Variants in LAMA3 observed in about 807,000 individuals in gnomAD.
LAMA3 encodes laminin subunit alpha 3, also known as laminin subunit alpha-3.
In LAMA3, 281 loss-of-function variants were observed where a neutral mutation model predicts 402.0. The observed-to-expected ratio is 0.70, with a 90% CI of 0.63 to 0.77. The LOEUF (loss-of-function observed/expected upper bound fraction) is 0.77, where lower values mean the gene tolerates loss of function less well. Ranked by LOEUF, LAMA3 falls within the 30% of genes least tolerant of loss-of-function variation. The probability of loss-of-function intolerance (pLI) is 0.00; values close to 1 mark genes in which losing one functional copy is unlikely to be tolerated. For synonymous variants in LAMA3, 1,431 were observed against 1,558.4 expected, an observed-to-expected ratio of 0.92 and a Z score of 1.93; for missense variants, 3,840 against 4,215.5, an observed-to-expected ratio of 0.91 and a Z score of 2.47.
chr18:23,930,590 A>G (rs2082133298), intron 64 of LAMA3, among the ~76,000 whole-genome samples: 3 of 152,126 alleles, frequency 2.0e-5, no homozygotes, highest in Admixed American at 2.0e-4. Context: ...TCTACAAAAA[A>G]TTACAAACTT....
Position 23,943,902 on chromosome 18 carries a change from A to G in LAMA3, c.9141A>G (p.Ala3047=). The change falls in exon 69 of 75, where the codon GCA becomes GCG. Residue 3047 remains alanine (A), a synonymous_variant. Transcript: ENST00000313654. ...TTTCAAAAGGACGTCTGGTCTTTGC[A>G]CTGGGGACAGATGGGAAAAAATTGA... The part of the protein sequence containing the change: ...LYLSKGRLVF[A]LGTDGKKLRI... The G allele has an allele frequency of 6.2e-7, 1 of 1,614,110 alleles. No individual in the cohort carries two copies. The highest frequency in any genetic ancestry group is 1.1e-5 in the South Asian group (1 of 91,088).
In LAMA3 at chr18:23,878,335, C is replaced by T. The variant is rs140372717; in HGVS notation, c.5112+1928C>T. ...TTCTGTCTTCACTTGTCCCTAATGG[C>T]CATGTGGCCGCCAGAGACTCTTCAT... On this transcript the variant is annotated intron_variant, in intron 39 of 74. Coordinates refer to ENST00000313654, the MANE Select transcript of LAMA3 (RefSeq NM_198129.4). 3.9e-5 allele frequency among the ~76,000 whole-genome samples: 6 copies of T among 152,350 alleles called. No individual in the cohort carries two copies. In the East Asian group the frequency reaches 7.7e-4, roughly 20 times the overall value.
At chr18:23,809,273 C>T (rs866798826) in intron 12 of LAMA3, among the ~76,000 whole-genome samples, 1 of 152,132 alleles carries the variant, frequency 6.6e-6, no homozygotes. Flanking sequence ...AGCAACTAGC[C>T]GTGATTGCAG....
chr18:23,915,590 A>G (rs1010003520), intron 59 of LAMA3, among the ~76,000 whole-genome samples, 168 bp downstream of exon 59: 2 of 152,236 alleles, frequency 1.3e-5, no homozygotes, highest in Admixed American at 1.3e-4. Flanking sequence ...GTCCTGCCCT[A>G]AAATCTAATT....
rs753773777 is a variant in LAMA3 at position 23,822,354 on chromosome 18, A to G, written c.2407A>G (p.Ile803Val). The change falls in exon 20 of 75, where the codon ATA (isoleucine) becomes GTA (valine). Residue 803 changes from isoleucine (I) to valine (V), a missense_variant. Physicochemically the swap from Ile to Val is conservative, Grantham distance 29 (BLOSUM62 3). Transcript: ENST00000313654. ...TGGAACTGAAGCAGTATCTGGCCAT[A>G]TAACTATTTATCCATCCTGGGGTAA... ...NPGTEAVSGH[I>V]TIYPSWGAAQ... is the part of the protein sequence containing the mutation. 9 of 1,613,878 alleles carry G rather than the reference A, an allele frequency of 5.6e-6. No homozygotes were observed. The highest frequency in any genetic ancestry group is 3.4e-6 in the Non-Finnish European group (4 of 1,179,852).
chr18:23,941,762 T>C (rs573684294), intron 68 of LAMA3, among the ~76,000 whole-genome samples: 4 of 152,360 alleles, frequency 2.6e-5, no homozygotes, highest in South Asian at 4.1e-4. Flanking sequence ...CTGCCTTTTT[T>C]TGGGTGTTAG....
Position 23,839,987 on chromosome 18 carries a change from T to G in LAMA3, c.3336+58T>G, listed in dbSNP as rs2063662982. ...AAGTATGACCTCTGAAGCAGCAGCA[T>G]CCACATCACTTGGAAACTTGTCAGC... On this transcript the variant is annotated intron_variant, in intron 27 of 74. Coordinates refer to ENST00000313654, the MANE Select transcript of LAMA3 (RefSeq NM_198129.4). This position sits in a 1 kb window ranked among gnomAD's most constrained non-coding sequence, Gnocchi z 4.5. The G allele has an allele frequency of 6.4e-7, 1 of 1,571,908 alleles. No homozygotes were observed. Among genetic ancestry groups the G allele is most frequent in the Non-Finnish European group, 8.8e-7 (1 of 1,142,122 alleles).
intron 12 of LAMA3, among the ~76,000 whole-genome samples, chr18:23,797,194 G>T (rs1430287744): frequency 1.3e-5 from 2 of 152,116 alleles, no homozygotes; most frequent in African/African-American, 4.8e-5. Context: ...GAACCATTCT[G>T]GTAAGAGTTT....
rs192597388 is a variant in LAMA3, at chr18:23,812,832, G to A, written c.1742-225G>A. On this transcript the variant is annotated intron_variant, in intron 13 of 74. Transcript: ENST00000313654. ...GAAGTGAACTGTCATGAGTAGACAG[G>A]ATAGGGATTTGTTCAGTGGCAAAAG... is the stretch of plus-strand genomic sequence containing the variant. 1.3e-3 allele frequency among the ~76,000 whole-genome samples: 193 copies of A among 152,306 alleles called. 1 individual carries two copies. Among genetic ancestry groups the A allele is most frequent in the South Asian group, 2.3e-3 (11 of 4,832 alleles).
At chr18:23,783,995 C>T (rs752274343) in intron 11 of LAMA3, 28 bp from the exon 12 acceptor site, 3 of 1,613,788 alleles carry the variant, frequency 1.9e-6, no homozygotes, top group Non-Finnish European at 1.7e-6. Flanking sequence ...GATGGAGACC[C>T]CTTCTGAAAG....
intron 22 of LAMA3, 27 bp downstream of exon 22, chr18:23,826,826 G>T (rs1219458045): frequency 1.4e-6 from 2 of 1,393,450 alleles, no homozygotes; most frequent in Non-Finnish European, 2.0e-6. Context: ...AGGTGCAGCC[G>T]CATCATTGGG....
At chr18:23,771,442 CTT>C (rs1360354548) in intron 8 of LAMA3, among the ~76,000 whole-genome samples, 1 of 152,104 alleles carries the variant, frequency 6.6e-6, no homozygotes, top group African/African-American at 2.4e-5. Context: ...GAAAGAGGAA[CTT>C]TGGGGTAATG....
chr18:23,840,377 CTTTCTTTT>C (rs1313994772), intron 27 of LAMA3, among the ~76,000 whole-genome samples: 1 of 79,514 alleles, frequency 1.3e-5, no homozygotes, highest in Non-Finnish European at 2.3e-5. Flanking sequence ...AAGAACCTTT[CTTTCTTTT>C]TTTTTTTTTT....
chr18:23,744,951 T>C (rs746820092), intron 2 of LAMA3, among the ~76,000 whole-genome samples: 10 of 151,882 alleles, frequency 6.6e-5, no homozygotes, highest in South Asian at 4.2e-4. Context: ...TTGATTAAAT[T>C]CCGAAATGGG....
chr18:23,924,366 G>T (rs146974372), intron 62 of LAMA3, among the ~76,000 whole-genome samples: 1 of 151,666 alleles, frequency 6.6e-6, no homozygotes, highest in Non-Finnish European at 1.5e-5. Flanking sequence ...TGTCCAGGCT[G>T]GTCTTGAACT....
chr18:23,812,114 T>C (rs555081773), intron 13 of LAMA3, among the ~76,000 whole-genome samples: 5 of 152,192 alleles, frequency 3.3e-5, no homozygotes, highest in African/African-American at 7.2e-5. Context: ...ACCTCGTGAT[T>C]TGCCCGCCTT....
At chr18:23,926,647 A>C (rs1235423942) in intron 62 of LAMA3, among the ~76,000 whole-genome samples, 4 of 152,242 alleles carry the variant, frequency 2.6e-5, no homozygotes, top group Non-Finnish European at 5.9e-5. Context: ...AGGGATTTAG[A>C]ATGAAATCAG....
At chr18:23,848,427 G>A (rs555903026) in intron 32 of LAMA3, among the ~76,000 whole-genome samples, 1 of 152,304 alleles carries the variant, frequency 6.6e-6, no homozygotes, top group East Asian at 1.9e-4. Flanking sequence ...GGACTGGGTG[G>A]GGGCTGCAGG....
At chr18:23,891,070 T>C (rs2080644406) in intron 42 of LAMA3, among the ~76,000 whole-genome samples, 1 of 152,262 alleles carries the variant, frequency 6.6e-6, no homozygotes, top group Admixed American at 6.5e-5. Flanking sequence ...TTTATTTTAA[T>C]GTGTGTAACA....
Sources: gnomAD v4.1 joint callset for allele counts (sites outside exome capture counted in the v4.1 genomes callset) on GRCh38, gnomAD v4.1.1 for gene constraint, Gnocchi (gnomAD v3.1) non-coding constraint, MANE v1.5 for transcripts, NCBI Gene and HGNC (gene_info 2026-07-23, HGNC 2026-07-21) for gene names.